The following PPP2R1B variants were observed in gnomAD, a reference collection of about 807,000 sequenced individuals.
PPP2R1B encodes protein phosphatase 2 scaffold subunit Abeta, also known as serine/threonine-protein phosphatase 2A 65 kDa regulatory subunit A beta isoform.
A neutral mutation model predicts 72.7 loss-of-function variants in PPP2R1B; 58 were observed. The observed-to-expected ratio is 0.80, with a 90% CI of 0.65 to 0.99. The LOEUF is 0.99. Ranked by LOEUF, PPP2R1B falls within the 50% of genes least tolerant of loss-of-function variation. The pLI, the probability that PPP2R1B is intolerant of heterozygous loss-of-function variation, is 0.00. For synonymous variants in PPP2R1B, 256 were observed against 264.6 expected, an observed-to-expected ratio of 0.97 and a Z score of 0.32; for missense variants, 695 against 733.6, an observed-to-expected ratio of 0.95 and a Z score of 0.61.
chr11:111,741,962 T>A lies in PPP2R1B; in HGVS notation c.1789+91A>T, dbSNP rs370450242. 4.5e-6 allele frequency: 5 copies of A among 1,107,122 alleles called. No individual in the cohort carries two copies. The African/African-American group carries it at 6.1e-5, about 14-fold the overall frequency. 68.6% of individuals were successfully genotyped at this position (1,107,122 alleles called of 1,614,324 possible). On this transcript the variant is annotated intron_variant, in intron 14 of 14. Coordinates refer to ENST00000527614, the MANE Select transcript of PPP2R1B (RefSeq NM_002716.5). Reference sequence around the variant, plus strand: ...CCCTCCCTGTTTCCCATAATACTTATCATCCTACCCACTTAACACCTCTCA... The same window carrying A: ...CCCTCCCTGTTTCCCATAATACTTAACATCCTACCCACTTAACACCTCTCA...
At position 111,738,036 on chromosome 11, in the gene PPP2R1B, C is replaced by G. The variant is rs542108755; in HGVS notation, c.*3560G>C. On this transcript the variant is annotated 3_prime_UTR_variant, in exon 15 of 15. Coordinates refer to ENST00000527614, the MANE Select transcript of PPP2R1B (RefSeq NM_002716.5). ...GAAACAGCAGGCTCGTGGAGGCAAA[C>G]GGGGGACAGTGAGACTATTCTAGGT... The G allele has an allele frequency of 1.4e-5, 14 of 1,007,192 alleles. No homozygotes were observed. The highest frequency in any genetic ancestry group is 1.7e-5 in the Non-Finnish European group (14 of 841,730). The allele number at this position is 1,007,192 out of a possible 1,614,324, so 62.4% of individuals were successfully genotyped here.
chr11:111,753,711 C>A (rs994343749), intron 8 of PPP2R1B, 134 bp from the exon 9 acceptor site: 107 of 879,242 alleles, frequency 1.2e-4, no homozygotes, highest in African/African-American at 7.7e-4. Context: ...ACTGCAGCCT[C>A]ACCCTCCCAG....
chr11:111,755,006 C>T lies in PPP2R1B; in HGVS notation c.932G>A (p.Arg311Gln), dbSNP rs782554837. The T allele has an allele frequency of 3.1e-6, 5 of 1,613,474 alleles. No individual in the cohort carries two copies. Among genetic ancestry groups the T allele is most frequent in the East Asian group, 2.2e-5 (1 of 44,898 alleles). Reference sequence around the variant, plus strand: ...TTTTACTTTGTGGGCAGCAGCTGCCCGGACTTCAGCTTCACAGTCTTTAAG... The same window carrying T: ...TTTTACTTTGTGGGCAGCAGCTGCCTGGACTTCAGCTTCACAGTCTTTAAG... ...NLLKDCEAEVRAAAAHKVKEL... is the reference protein window; with the variant it reads ...NLLKDCEAEVQAAAAHKVKEL... Residue 311 changes from arginine to glutamine, a missense_variant, in exon 7 of 15, where the codon CGG becomes CAG. Coordinates refer to ENST00000527614, the MANE Select transcript of PPP2R1B (RefSeq NM_002716.5).
At chr11:111,714,406 A>T in the PPP2R1B span, among the ~76,000 whole-genome samples, 1 of 152,216 alleles carries the variant, frequency 6.6e-6, no homozygotes, top group African/African-American at 2.4e-5. Flanking sequence ...TGCTGAAGAT[A>T]TTTGAGCAAG....
At chr11:111,737,616 A>T (rs564201933), downstream of PPP2R1B, 16 of 1,611,882 alleles carry the variant, frequency 9.9e-6, no homozygotes, top group African/African-American at 9.3e-5. Context: ...ACCAGGGCAC[A>T]TCCCTCCCAA....
At chr11:111,703,116 C>T in the PPP2R1B span, 11 of 1,174,254 alleles carry the variant, frequency 9.4e-6, no homozygotes, top group East Asian at 1.6e-4. Context: ...AAGATTAACA[C>T]CCTTGTACAA....
intron 11 of PPP2R1B, among the ~76,000 whole-genome samples, 186 bp from the exon 12 acceptor site, chr11:111,743,716 C>T (rs920870724): frequency 3.3e-5 from 5 of 152,168 alleles, no homozygotes; most frequent in African/African-American, 1.2e-4. Flanking sequence ...TGCATATCCA[C>T]AGAAAAGGGA....
At chr11:111,690,516 A>G in the PPP2R1B span, among the ~76,000 whole-genome samples, 5 of 152,058 alleles carry the variant, frequency 3.3e-5, no homozygotes, top group Non-Finnish European at 7.4e-5. Context: ...GTAGGTATAC[A>G]TGTGCCATGG....
chr11:111,713,859 C>T, the PPP2R1B span, among the ~76,000 whole-genome samples: 6 of 151,966 alleles, frequency 3.9e-5, no homozygotes, highest in African/African-American at 1.2e-4. Context: ...CCCAGCTACT[C>T]GGGAGGCTGA....
the PPP2R1B span, among the ~76,000 whole-genome samples, chr11:111,699,896 T>C: frequency 2.6e-4 from 40 of 152,370 alleles, no homozygotes; most frequent in African/African-American, 9.1e-4. Context: ...CCAGTCTTTC[T>C]TGAGCCATCT....
At chr11:111,727,414 G>A (rs1346733119) in intron 15 of PPP2R1B, 1 of 271,572 alleles carries the variant, frequency 3.7e-6, no homozygotes, top group Non-Finnish European at 7.1e-6. Flanking sequence ...TGGAGTCAGT[G>A]GTTGGGACAG....
At chr11:111,737,277 A>C (rs1271545939), downstream of PPP2R1B, among the ~76,000 whole-genome samples, 2 of 152,234 alleles carry the variant, frequency 1.3e-5, no homozygotes, top group East Asian at 3.8e-4. Context: ...GTAAGCCAGC[A>C]ACAGGCTTTA....
At chr11:111,752,391 TCTC>T in intron 9 of PPP2R1B, 59 bp from the exon 10 acceptor site, 1 of 1,475,412 alleles carries the variant, frequency 6.8e-7, no homozygotes, top group African/African-American at 1.4e-5. Context: ...TGCCCAACAG[TCTC>T]CTGTCAGGGT....
At chr11:111,706,119 AGT>A in the PPP2R1B span, among the ~76,000 whole-genome samples, 13 of 152,212 alleles carry the variant, frequency 8.5e-5, no homozygotes, top group African/African-American at 3.1e-4. Flanking sequence ...TGGTTTCCCA[AGT>A]GTGTAATGGG....
At chr11:111,716,325 G>C in the PPP2R1B span, among the ~76,000 whole-genome samples, 5 of 152,210 alleles carry the variant, frequency 3.3e-5, no homozygotes, top group East Asian at 9.7e-4. Flanking sequence ...GCTTACACCT[G>C]TAATCCAGCA....
At chr11:111,696,473 T>C in the PPP2R1B span, among the ~76,000 whole-genome samples, 2 of 152,182 alleles carry the variant, frequency 1.3e-5, no homozygotes. Flanking sequence ...AAAGTCAAAA[T>C]GAAGCCACGT....
chr11:111,738,134 C>A lies in PPP2R1B; in HGVS notation c.*3462G>T. 1 of 987,608 alleles carries A rather than the reference C, an allele frequency of 1.0e-6. No individual in the cohort carries two copies. 61.2% of individuals were successfully genotyped at this position (987,608 alleles called of 1,614,324 possible). A position where few individuals can be genotyped will look rare whatever the true frequency, so the allele number is the denominator to read the frequency against. ...AAGGAACTGGATGGAAACAGGAATA[C>A]TGGAGAATCAAAGGGAAACAGTTAC... On this transcript the variant is annotated 3_prime_UTR_variant, in exon 15 of 15. Transcript: ENST00000527614.
the PPP2R1B span, chr11:111,704,877 AC>A: frequency 2.3e-6 from 3 of 1,289,558 alleles, no homozygotes; most frequent in Admixed American, 8.7e-5. Flanking sequence ...TTTGTTTTTC[AC>A]CCTATTTTTA....
chr11:111,757,918 A>T (rs940337797), intron 5 of PPP2R1B, among the ~76,000 whole-genome samples: 1 of 151,938 alleles, frequency 6.6e-6, no homozygotes, highest in Non-Finnish European at 1.5e-5. Flanking sequence ...AATTTTCTCT[A>T]TCTTAACGAT....
Sources: allele counts gnomAD v4.1 joint callset (sites outside exome capture counted in the v4.1 genomes callset), GRCh38; gene constraint gnomAD v4.1.1; transcripts MANE v1.5; gene names NCBI Gene and HGNC (gene_info 2026-07-23, HGNC 2026-07-21).